Variants in SPAG16 observed in about 807,000 individuals in gnomAD.
SPAG16 encodes the protein sperm-associated antigen 16 protein.
A neutral mutation model predicts 80.4 loss-of-function variants in SPAG16; 86 were observed. That is an observed-to-expected ratio of 1.07 (90% CI 0.90 to 1.28). The LOEUF (loss-of-function observed/expected upper bound fraction) is 1.28, where lower values mean the gene tolerates loss of function less well. SPAG16 is among the 50% of genes most tolerant of loss of function. SPAG16 has a pLI of 0.00. For synonymous variants in SPAG16, 294 were observed against 265.9 expected (o/e 1.11, Z -1.03); for missense variants, 870 against 765.3 (o/e 1.14, Z -1.61).
chr2:213,755,400 G>A (rs181576164), intron 10 of SPAG16, among the ~76,000 whole-genome samples: 42 of 152,080 alleles, frequency 2.8e-4, no homozygotes, highest in Non-Finnish European at 3.7e-4. Context: ...GAAAAACATT[G>A]TTTATTAAAA....
At chr2:213,732,437 C>G (rs2067092844) in intron 10 of SPAG16, among the ~76,000 whole-genome samples, 1 of 152,112 alleles carries the variant, frequency 6.6e-6, no homozygotes, top group Non-Finnish European at 1.5e-5. Context: ...CACTATTACC[C>G]TAGATTACTG....
At chr2:214,208,756 C>G (rs1312788450) in intron 15 of SPAG16, among the ~76,000 whole-genome samples, 1 of 151,996 alleles carries the variant, frequency 6.6e-6, no homozygotes, top group African/African-American at 2.4e-5. Context: ...AATAATGGAA[C>G]ACTAGGGATA....
At chr2:214,122,329 T>C (rs1016430891) in intron 14 of SPAG16, among the ~76,000 whole-genome samples, 1 of 151,882 alleles carries the variant, frequency 6.6e-6, no homozygotes, top group African/African-American at 2.4e-5. Context: ...ATTAGGCAGT[T>C]AAATGTTTTA....
chr2:214,342,510 C>T (rs755149956), intron 15 of SPAG16, among the ~76,000 whole-genome samples: 32 of 152,050 alleles, frequency 2.1e-4, no homozygotes, highest in Non-Finnish European at 4.1e-4. Flanking sequence ...AATCCAATGC[C>T]TGATGATCTG....
chr2:214,225,157 G>A (rs998226011), intron 15 of SPAG16, among the ~76,000 whole-genome samples: 3 of 152,162 alleles, frequency 2.0e-5, no homozygotes, highest in African/African-American at 7.2e-5. Context: ...GTAGCTGCAA[G>A]ACAATAAGTC....
At chr2:213,590,232 G>A (rs918060995) in intron 10 of SPAG16, among the ~76,000 whole-genome samples, 1 of 152,056 alleles carries the variant, frequency 6.6e-6, no homozygotes, top group African/African-American at 2.4e-5. Flanking sequence ...AGGTTCAGTG[G>A]GTACACATGT....
intron 9 of SPAG16, among the ~76,000 whole-genome samples, chr2:213,467,133 AG>A (rs2125637312): frequency 6.6e-6 from 1 of 152,052 alleles, no homozygotes; most frequent in African/African-American, 2.4e-5. Flanking sequence ...GGGTATTACA[AG>A]GGCTGTTGCA....
At chr2:213,553,058 G>C (rs967561464) in intron 10 of SPAG16, among the ~76,000 whole-genome samples, 2 of 152,142 alleles carry the variant, frequency 1.3e-5, no homozygotes, top group African/African-American at 4.8e-5. Context: ...CTTGAAGACA[G>C]CCTATTGTGG....
At chr2:213,868,129 C>A (rs1274871182) in intron 11 of SPAG16, among the ~76,000 whole-genome samples, 2 of 151,866 alleles carry the variant, frequency 1.3e-5, no homozygotes, top group Admixed American at 6.6e-5. Flanking sequence ...TAGTTATAAA[C>A]TGAAAACCAA....
intron 10 of SPAG16, among the ~76,000 whole-genome samples, chr2:213,705,279 G>A (rs1449461797): frequency 2.0e-5 from 3 of 151,552 alleles, no homozygotes; most frequent in South Asian, 2.1e-4. Flanking sequence ...AGAGAGGGAG[G>A]GAGGAAGGGA....
Position 213,490,014 on chromosome 2 carries a change from A to G in SPAG16, c.994A>G (p.Lys332Glu). ...ACCAAATCCAAACCTGAATGTTTCTAAAGAAAGTCTTTCTCCAGCAAAATT... is the reference window on the plus strand; with the variant it reads ...ACCAAATCCAAACCTGAATGTTTCTGAAGAAAGTCTTTCTCCAGCAAAATT... ...MQPNPNLNVS[K>E]ESLSPAKFDY... is the part of the protein sequence containing the mutation. Residue 332 changes from lysine to glutamate, a missense_variant, in exon 10 of 16, where the codon AAA (lysine) becomes GAA (glutamate). Lys to Glu is a moderately conservative substitution (Grantham distance 56). Transcript: ENST00000331683. 1.9e-6 allele frequency: 3 copies of G among 1,610,992 alleles called. No homozygotes were observed. Among genetic ancestry groups the G allele is most frequent in the East Asian group, 2.2e-5 (1 of 44,624 alleles).
At chr2:214,293,064 T>C (rs1559188645) in intron 15 of SPAG16, among the ~76,000 whole-genome samples, 1 of 152,338 alleles carries the variant, frequency 6.6e-6, no homozygotes, top group Non-Finnish European at 1.5e-5. Context: ...TAAGCATGCC[T>C]TACCTTGAGC....
chr2:213,721,849 C>T (rs150835204), intron 10 of SPAG16, among the ~76,000 whole-genome samples: 85 of 152,198 alleles, frequency 5.6e-4, no homozygotes, highest in African/African-American at 2.0e-3. Context: ...CACATTTTCC[C>T]TGGGAGCAAA....
intron 14 of SPAG16, among the ~76,000 whole-genome samples, chr2:214,137,962 A>G (rs2055150360): frequency 6.6e-6 from 1 of 152,058 alleles, no homozygotes; most frequent in South Asian, 2.1e-4. Flanking sequence ...CCCAAATCAA[A>G]CTAATTTAAG....
intron 9 of SPAG16, among the ~76,000 whole-genome samples, chr2:213,453,768 A>G (rs954923519): frequency 1.3e-5 from 2 of 152,204 alleles, no homozygotes; most frequent in African/African-American, 4.8e-5. Context: ...GAGTAGAAAA[A>G]GGGAGTCGAT....
chr2:214,103,002 G>A (rs1044001742), intron 13 of SPAG16, among the ~76,000 whole-genome samples: 8 of 152,082 alleles, frequency 5.3e-5, no homozygotes, highest in Admixed American at 1.3e-4. Context: ...TCCCGCATGC[G>A]CAGTGTTTTC....
intron 10 of SPAG16, among the ~76,000 whole-genome samples, chr2:213,539,220 T>A (rs2076348091): frequency 6.6e-6 from 1 of 152,166 alleles, no homozygotes. Context: ...TGTGCCAAAA[T>A]TATCCCTGTA....
At chr2:213,794,523 G>T (rs2070902938) in intron 10 of SPAG16, among the ~76,000 whole-genome samples, 1 of 151,818 alleles carries the variant, frequency 6.6e-6, no homozygotes, top group African/African-American at 2.4e-5. Flanking sequence ...CCCTTATGTT[G>T]ATTATATCAT....
At chr2:213,799,739 A>C (rs538560230) in intron 10 of SPAG16, among the ~76,000 whole-genome samples, 7 of 152,286 alleles carry the variant, frequency 4.6e-5, no homozygotes, top group Non-Finnish European at 7.4e-5. Flanking sequence ...TATAGGACTT[A>C]TCAGAATCCA....
Sources: allele counts gnomAD v4.1 joint callset (sites outside exome capture counted in the v4.1 genomes callset), GRCh38; gene constraint gnomAD v4.1.1; transcripts MANE v1.5; gene names NCBI Gene and HGNC (gene_info 2026-07-23, HGNC 2026-07-21).